WWOX: variants seen among roughly 807,000 people sequenced by gnomAD.
WWOX encodes WW domain-containing oxidoreductase.
A neutral mutation model predicts 46.2 loss-of-function variants in WWOX; 69 were observed. The ratio of observed to expected loss-of-function variants is 1.49; its 90% CI spans 1.23 to 1.82. The LOEUF (loss-of-function observed/expected upper bound fraction) is 1.82, where lower values mean the gene tolerates loss of function less well. Ranked by LOEUF, WWOX falls within the 40% of genes most tolerant of loss-of-function variation. The probability of loss-of-function intolerance (pLI) is 0.00; values close to 1 mark genes in which losing one functional copy is unlikely to be tolerated. For missense variants in WWOX, 919 were observed against 542.6 expected (o/e 1.69, Z -6.89); for synonymous variants, 359 against 202.6 (o/e 1.77, Z -6.56).
At chr16:78,627,575 G>C (rs534134144) in intron 8 of WWOX, among the ~76,000 whole-genome samples, 13 of 152,140 alleles carry the variant, frequency 8.5e-5, no homozygotes, top group Non-Finnish European at 1.6e-4. Flanking sequence ...AAATCACAGA[G>C]AAAAGGAGAA....
chr16:78,669,568 G>A (rs1019368449), intron 8 of WWOX, among the ~76,000 whole-genome samples: 8 of 152,170 alleles, frequency 5.3e-5, no homozygotes, highest in Admixed American at 1.3e-4. Context: ...AAATGTCAAC[G>A]TGCCCAGGTT....
At chr16:78,778,980 T>G (rs1166203400) in intron 8 of WWOX, among the ~76,000 whole-genome samples, 2 of 152,188 alleles carry the variant, frequency 1.3e-5, no homozygotes, top group Non-Finnish European at 2.9e-5. Flanking sequence ...ATGCTGCTTC[T>G]GATCTCCATC....
At chr16:78,798,218 T>C (rs1365283799) in intron 8 of WWOX, among the ~76,000 whole-genome samples, 1 of 152,186 alleles carries the variant, frequency 6.6e-6, no homozygotes, top group East Asian at 1.9e-4. Context: ...ATAGCCTTGT[T>C]ATTTTTAATC....
chr16:78,998,114 G>C (rs192781988), intron 8 of WWOX, among the ~76,000 whole-genome samples: 3 of 152,264 alleles, frequency 2.0e-5, no homozygotes, highest in East Asian at 3.9e-4. Context: ...GACCTCAGGT[G>C]ATCCCGCCCG....
At chr16:78,434,655 A>C (rs1210606973) in intron 8 of WWOX, among the ~76,000 whole-genome samples, 3 of 152,090 alleles carry the variant, frequency 2.0e-5, no homozygotes, top group Admixed American at 6.5e-5. Flanking sequence ...TGTTTTAAGG[A>C]GCTCGGTTCA....
In WWOX at chr16:78,252,684, A is replaced by G. The variant is rs868205393; in HGVS notation, c.516+88395A>G. On this transcript the variant is annotated intron_variant, in intron 5 of 8. Transcript: ENST00000566780. ...GCCTTGAGATTGCCAGGAGACGTAG[A>G]CGAGCTTTTATTGTTTTAGCCACTG... Among the ~76,000 whole-genome samples the G allele has an allele frequency of 5.3e-5, 8 of 152,328 alleles. No homozygotes were observed. The South Asian group carries it at 1.4e-3, about 28-fold the overall frequency.
intron 8 of WWOX, among the ~76,000 whole-genome samples, chr16:78,846,180 T>A (rs2151174590): frequency 6.6e-6 from 1 of 152,282 alleles, no homozygotes; most frequent in South Asian, 2.1e-4. Context: ...AGAAAAGCCA[T>A]AAAAAATACT....
chr16:79,056,760 T>A (rs1229462835), intron 8 of WWOX, among the ~76,000 whole-genome samples: 2 of 152,228 alleles, frequency 1.3e-5, no homozygotes, highest in Non-Finnish European at 2.9e-5. Flanking sequence ...AAGTTTTTCT[T>A]GCTAAGTTTA....
At chr16:78,591,126 C>G (rs997781468) in intron 8 of WWOX, among the ~76,000 whole-genome samples, 1 of 152,182 alleles carries the variant, frequency 6.6e-6, no homozygotes, top group Non-Finnish European at 1.5e-5. Flanking sequence ...TGTCTGTCAG[C>G]TTTTCCCTCA....
Position 79,022,114 on chromosome 16 carries a change from G to C in WWOX, c.1057-189494G>C, listed in dbSNP as rs544024353. Reference sequence around the variant, plus strand: ...GGCAGAGGAAACCATGAGTGCAGAGGCACGTAGGCCTGAAACAGGCCAGAA... The same window carrying C: ...GGCAGAGGAAACCATGAGTGCAGAGCCACGTAGGCCTGAAACAGGCCAGAA... On this transcript the variant is annotated intron_variant, in intron 8 of 8. Transcript: ENST00000566780. Among the ~76,000 whole-genome samples the C allele has an allele frequency of 2.4e-4, 36 of 152,322 alleles. 1 individual carries two copies. The South Asian group carries it at 5.8e-3, about 25-fold the overall frequency.
chr16:78,969,206 A>G (rs1382144892), intron 8 of WWOX, among the ~76,000 whole-genome samples: 1 of 151,158 alleles, frequency 6.6e-6, no homozygotes, highest in African/African-American at 2.4e-5. Flanking sequence ...CTCCTTTGCT[A>G]CCTCAGGGGA....
At chr16:78,597,043 C>T (rs942649633) in intron 8 of WWOX, among the ~76,000 whole-genome samples, 2 of 152,210 alleles carry the variant, frequency 1.3e-5, no homozygotes, top group African/African-American at 4.8e-5. Flanking sequence ...TTGCTGCTCC[C>T]CTACCCTCTT....
intron 5 of WWOX, among the ~76,000 whole-genome samples, chr16:78,335,250 C>T (rs76302562): frequency 2.6e-5 from 4 of 152,162 alleles, no homozygotes; most frequent in South Asian, 2.1e-4. Flanking sequence ...TGAAGCCCAG[C>T]GTCCATTAGC....
intron 8 of WWOX, among the ~76,000 whole-genome samples, chr16:78,447,976 G>C (rs1228928660): frequency 1.3e-5 from 2 of 151,962 alleles, no homozygotes; most frequent in East Asian, 3.9e-4. Flanking sequence ...GCTGACTTTT[G>C]TATTTTTAGT....
intron 8 of WWOX, among the ~76,000 whole-genome samples, chr16:78,573,368 C>T (rs889976326): frequency 2.0e-5 from 3 of 152,170 alleles, no homozygotes; most frequent in African/African-American, 7.2e-5. Context: ...AGATACTTGG[C>T]TGTTTTGTTT....
chr16:78,726,535 A>G (rs1259327293), intron 8 of WWOX, among the ~76,000 whole-genome samples: 2 of 150,894 alleles, frequency 1.3e-5, no homozygotes, highest in East Asian at 3.9e-4. Flanking sequence ...CACCCAGCCT[A>G]TCTTAATTCA....
At chr16:78,129,771 G>C (rs1483292038) in intron 4 of WWOX, among the ~76,000 whole-genome samples, 1 of 151,526 alleles carries the variant, frequency 6.6e-6, no homozygotes, top group African/African-American at 2.4e-5. Context: ...CTTAAATGTA[G>C]ATTTATGACA....
At chr16:79,030,949 G>T (rs181792570) in intron 8 of WWOX, among the ~76,000 whole-genome samples, 1 of 151,874 alleles carries the variant, frequency 6.6e-6, no homozygotes. Context: ...TAAATTGGCT[G>T]GGTATGGTGG....
chr16:78,884,292 A>AAC (rs550642451), intron 8 of WWOX, among the ~76,000 whole-genome samples: 1 of 135,280 alleles, frequency 7.4e-6, no homozygotes, highest in Non-Finnish European at 1.5e-5. Context: ...AAAAAAAAAA[A>AAC]ACAAAAGACC....
Sources: allele counts gnomAD v4.1 joint callset (sites outside exome capture counted in the v4.1 genomes callset), GRCh38; gene constraint gnomAD v4.1.1; transcripts MANE v1.5; gene names NCBI Gene and HGNC (gene_info 2026-07-23, HGNC 2026-07-21).